The following ABHD8 variants were observed in gnomAD, a reference collection of about 807,000 sequenced individuals.
ABHD8 encodes protein ABHD8.
Under a neutral mutation model 29.3 loss-of-function variants are expected in ABHD8, and 10 were observed. The observed-to-expected ratio is 0.34, with a 90% CI of 0.21 to 0.58. The LOEUF is 0.58. Among genes scored for constraint, ABHD8 ranks in the 20% least tolerant of loss-of-function variants. The pLI, the probability that ABHD8 is intolerant of heterozygous loss-of-function variation, is 0.85. For synonymous variants in ABHD8, 282 were observed against 274.6 expected (o/e 1.03, Z -0.27); for missense variants, 556 against 615.3 (o/e 0.90, Z 1.02).
rs1267882074 is a variant in ABHD8, at chr19:17,292,795, C to T, written c.1186G>A (p.Gly396Ser). 6.2e-7 allele frequency: 1 copy of T among 1,612,926 alleles called. No individual in the cohort carries two copies. The highest frequency in any genetic ancestry group is 2.2e-5 in the East Asian group (1 of 44,760). ...CATTCCAGCATCACCATGTGGCTGC[C>T]CTCGTCGATGAGCTTCAGGAATGCC... ...LLAFLKLIDE[G>S]SHMVMLECPE... Residue 396 changes from glycine (G) to serine (S), a missense_variant, in exon 5 of 5, where the codon GGC becomes AGC. Coordinates refer to ENST00000247706, the MANE Select transcript of ABHD8 (RefSeq NM_024527.5).
In ABHD8 at chr19:17,294,762, G is replaced by C; in HGVS notation, c.845C>G (p.Ala282Gly). The change falls in exon 3 of 5, where the codon GCG becomes GGG. Residue 282 changes from alanine (A) to glycine (G), a missense_variant. By Grantham distance (60) the Ala-to-Gly change is moderately conservative. This residue lies in a region of ABHD8 where 270 missense variants were observed against 353.9 expected (regional missense o/e 0.76). Coordinates refer to ENST00000247706, the MANE Select transcript of ABHD8 (RefSeq NM_024527.5). ...VIMINGGGPTALEPSFCSIFN... is the reference protein window; with the variant it reads ...VIMINGGGPTGLEPSFCSIFN... Reference sequence around the variant, plus strand: ...GATTGAGCAGAAGCTGGGCTCCAGCGCCGTAGGGCCCCCGCCATTGATCAT... The same window carrying C: ...GATTGAGCAGAAGCTGGGCTCCAGCCCCGTAGGGCCCCCGCCATTGATCAT... The C allele has an allele frequency of 6.2e-7, 1 of 1,614,162 alleles. No homozygotes were observed. Among genetic ancestry groups the C allele is most frequent in the South Asian group, 1.1e-5 (1 of 91,090 alleles).
At chr19:17,299,450 A>G (rs992568385) in intron 2 of ABHD8, among the ~76,000 whole-genome samples, 1 of 150,962 alleles carries the variant, frequency 6.6e-6, no homozygotes. Context: ...AGTCCCAGCT[A>G]CTAGGGAGGC....
Position 17,292,698 on chromosome 19 carries a change from G to C in ABHD8, c.1283C>G (p.Pro428Arg). 1 of 1,612,562 alleles carries C rather than the reference G, an allele frequency of 6.2e-7. No individual in the cohort carries two copies. The highest frequency in any genetic ancestry group is 8.5e-7 in the Non-Finnish European group (1 of 1,179,632). The change falls in exon 5 of 5, where the codon CCG becomes CGG. Residue 428 changes from proline (P) to arginine (R), a missense_variant. Pro to Arg is a moderately radical substitution (Grantham distance 103). Around this residue, in one of 2 missense-constraint regions of ABHD8, gnomAD observed 270 missense variants for 353.9 expected, o/e 0.76. Transcript: ENST00000247706. Reference protein sequence around the residue: ...WEPEPSPKALPEPLPAPPEDK... With the variant: ...WEPEPSPKALREPLPAPPEDK... ...TTCTGGAGGCGCCGGCAGTGGCTCC[G>C]GTAGAGCCTTGGGCGAGGGCTCGGG...
Position 17,294,428 on chromosome 19 carries a change from C to G in ABHD8, c.1009G>C (p.Val337Leu). Residue 337 changes from valine to leucine, a missense_variant, in exon 4 of 5, where the codon GTA becomes CTA. Val to Leu is a conservative substitution (Grantham distance 32, BLOSUM62 1). Coordinates refer to ENST00000247706, the MANE Select transcript of ABHD8 (RefSeq NM_024527.5). The part of the protein sequence containing the change: ...EGNAFNVSSF[V>L]LRAMMSGQYW... ...TGGCCGCTCATCATGGCCCGGAGTA[C>G]GAAGGATGACACGTTGAAAGCGTTG... 6.8e-6 allele frequency: 11 copies of G among 1,614,112 alleles called. No homozygotes were observed. The highest frequency in any genetic ancestry group is 9.3e-6 in the Non-Finnish European group (11 of 1,180,016).
rs183192908 is a variant in ABHD8, at chr19:17,295,365, C to T, written c.762-520G>A. ...CAAGTGATCCATCCGCCTCGGCCTC[C>T]CAAAGTGCTGGGATTACAGGCCTGA... On this transcript the variant is annotated intron_variant, in intron 2 of 4. Coordinates refer to ENST00000247706, the MANE Select transcript of ABHD8 (RefSeq NM_024527.5). Among the ~76,000 whole-genome samples, 84 of 152,202 alleles carry T rather than the reference C, an allele frequency of 5.5e-4. 1 individual carries two copies. In the East Asian group the frequency reaches 0.014, roughly 25 times the overall value.
At chr19:17,302,784 C>T in intron 1 of ABHD8, 1 of 152,430 alleles carries the variant, frequency 6.6e-6, no homozygotes, top group Non-Finnish European at 1.5e-5. Flanking sequence ...CCTTGGGCCA[C>T]CCCCGCCCCC....
intron 2 of ABHD8, among the ~76,000 whole-genome samples, chr19:17,299,284 T>A (rs1370270050): frequency 7.1e-6 from 1 of 139,888 alleles, no homozygotes; most frequent in African/African-American, 2.7e-5. Context: ...AAAATTGGCC[T>A]GGTGCGTTGG....
At chr19:17,301,664 A>G (rs762989608) in intron 1 of ABHD8, 40 bp from the exon 2 acceptor site, 3 of 1,503,980 alleles carry the variant, frequency 2.0e-6, no homozygotes, top group East Asian at 2.3e-5. Context: ...TGCTGTCTCA[A>G]TGAGAACCCT....
intron 4 of ABHD8, among the ~76,000 whole-genome samples, chr19:17,293,827 G>A (rs574505398): frequency 6.6e-6 from 1 of 152,122 alleles, no homozygotes; most frequent in South Asian, 2.1e-4. Context: ...CCAAGTTGCA[G>A]CGATTATTGG....
chr19:17,300,669 G>C, intron 2 of ABHD8, among the ~76,000 whole-genome samples, 187 bp downstream of exon 2: 1 of 152,236 alleles, frequency 6.6e-6, no homozygotes, highest in East Asian at 1.9e-4. Flanking sequence ...GTAGAGACGG[G>C]GTTTCACCAC....
Position 17,292,283 on chromosome 19 carries a change from G to C in ABHD8, c.*378C>G. On this transcript the variant is annotated 3_prime_UTR_variant, in exon 5 of 5. Transcript: ENST00000247706. ...CTCGGATAACGGGATGGGGCCTCGA[G>C]GGTCCCTGTGGGGCTCGTGGGTCCC... 1 of 347,726 alleles carries C rather than the reference G, an allele frequency of 2.9e-6. No individual in the cohort carries two copies. Among genetic ancestry groups the C allele is most frequent in the African/African-American group, 2.1e-5 (1 of 47,448 alleles). 21.5% of individuals were successfully genotyped at this position (347,726 alleles called of 1,614,324 possible).
intron 2 of ABHD8, among the ~76,000 whole-genome samples, chr19:17,300,429 ACTCCTTGC>A: frequency 6.6e-6 from 1 of 150,968 alleles, no homozygotes; most frequent in South Asian, 2.1e-4. Context: ...CTGGTCTCAA[ACTCCTTGC>A]CTCAAGATAT....
chr19:17,295,623 G>T (rs1356281789), intron 2 of ABHD8, among the ~76,000 whole-genome samples: 1 of 152,018 alleles, frequency 6.6e-6, no homozygotes, highest in Non-Finnish European at 1.5e-5. Flanking sequence ...GCTCAGGCTG[G>T]TCGAGAACTC....
intron 2 of ABHD8, among the ~76,000 whole-genome samples, chr19:17,300,199 C>T (rs1319516607): frequency 6.6e-6 from 1 of 151,658 alleles, no homozygotes; most frequent in Non-Finnish European, 1.5e-5. Context: ...CCACCGCGCC[C>T]GGATTTTTTT....
intron 1 of ABHD8, 143 bp from the exon 2 acceptor site, chr19:17,301,767 T>C (rs1280805094): frequency 2.1e-6 from 2 of 963,478 alleles, no homozygotes; most frequent in African/African-American, 4.1e-5. Flanking sequence ...GGCACTGAGA[T>C]TTTTTTGTTT....
In ABHD8 at chr19:17,294,355, G is replaced by A; in HGVS notation, c.1082C>T (p.Pro361Leu). The change falls in exon 4 of 5, where the codon CCC becomes CTC. Residue 361 changes from proline to leucine, a missense_variant. Pro to Leu is a moderately conservative substitution (Grantham distance 98). Around this residue, in one of 2 missense-constraint regions of ABHD8, gnomAD observed 270 missense variants for 353.9 expected, o/e 0.76. Transcript: ENST00000247706. ...DEVYHAELTV[P>L]VLLVHGMHDK... is the part of the protein sequence containing the mutation. ...GTGCATGCCGTGGACAAGCAGGACG[G>A]GCACGGTGAGCTCGGCGTGGTAGAC... is the stretch of plus-strand genomic sequence containing the variant. 1 of 1,613,528 alleles carries A rather than the reference G, an allele frequency of 6.2e-7. No individual in the cohort carries two copies. The highest frequency in any genetic ancestry group is 8.5e-7 in the Non-Finnish European group (1 of 1,180,006).
intron 1 of ABHD8, among the ~76,000 whole-genome samples, chr19:17,302,662 TTCC>T (rs1404582833): frequency 6.6e-6 from 1 of 152,166 alleles, no homozygotes; most frequent in African/African-American, 2.4e-5. Flanking sequence ...GACTCTGAAC[TTCC>T]TCCTTGGCAC....
In ABHD8 at chr19:17,292,433, C is replaced by T; in HGVS notation, c.*228G>A. ...CTTCCGTGAGGGTCCCGGCTGCGGC[C>T]CCAAAACGCCGATGGGCCCCGCGGG... On this transcript the variant is annotated 3_prime_UTR_variant, in exon 5 of 5. Transcript: ENST00000247706. 1.8e-6 allele frequency: 1 copy of T among 542,988 alleles called. No individual in the cohort carries two copies. The highest frequency in any genetic ancestry group is 3.1e-6 in the Non-Finnish European group (1 of 320,744). 33.6% of individuals were successfully genotyped at this position (542,988 alleles called of 1,614,324 possible).
chr19:17,301,676 C>A (rs888456437), intron 1 of ABHD8, 52 bp from the exon 2 acceptor site: 94 of 1,477,272 alleles, frequency 6.4e-5, no homozygotes, highest in Non-Finnish European at 8.0e-5. Context: ...GAGAACCCTG[C>A]ACCGTGCAGC....
Sources: allele counts gnomAD v4.1 joint callset (sites outside exome capture counted in the v4.1 genomes callset), GRCh38; gene constraint gnomAD v4.1.1; regional missense constraint gnomAD v4.1.1; transcripts MANE v1.5; gene names NCBI Gene and HGNC (gene_info 2026-07-23, HGNC 2026-07-21).